The following ETS2 variants were observed in gnomAD, a reference collection of about 807,000 sequenced individuals.
The protein encoded by ETS2 is protein C-ets-2.
ETS2 carries 19 observed loss-of-function variants against 54.9 expected under a neutral mutation model. That is an observed-to-expected ratio of 0.35 (90% confidence interval 0.24 to 0.51). The LOEUF (loss-of-function observed/expected upper bound fraction) is 0.51, where lower values mean the gene tolerates loss of function less well. ETS2 is among the 20% of genes least tolerant of loss of function. The probability of loss-of-function intolerance (pLI) is 0.97; values close to 1 mark genes in which losing one functional copy is unlikely to be tolerated. For synonymous variants in ETS2, 219 were observed against 229.3 expected (o/e 0.95, Z 0.41); for missense variants, 417 against 593.0 (o/e 0.70, Z 3.08).
Position 38,806,236 on chromosome 21 carries a change from C to A in ETS2, c.-1+116C>A. 1 of 983,534 alleles carries A rather than the reference C, an allele frequency of 1.0e-6. No individual in the cohort carries two copies. The highest frequency in any genetic ancestry group is 1.2e-6 in the Non-Finnish European group (1 of 827,104). The allele number at this position is 983,534 out of a possible 1,614,324, so 60.9% of individuals were successfully genotyped here. On this transcript the variant is annotated intron_variant, in intron 1 of 9. Transcript: ENST00000360938. This position sits in a 1 kb window ranked among gnomAD's most constrained non-coding sequence, Gnocchi z 4.3. ...TGACACGCAGATCTCGGGGCGCTGC[C>A]GGGGGTGCAGGTGGGGGTGGCGGCT...
In ETS2 at chr21:38,810,039, A is replaced by C; in HGVS notation, c.5A>C (p.Asn2Thr). 1 of 1,570,602 alleles carries C rather than the reference A, an allele frequency of 6.4e-7. No individual in the cohort carries two copies. The highest frequency in any genetic ancestry group is 1.2e-5 in the South Asian group (1 of 82,766). MNDFGIKNMDQV... is the reference protein window; with the variant it reads MTDFGIKNMDQV... ...TTTTTTTTTTTCTTTTTTAAGATGAATGATTTCGGAATCAAGAATATGGAC... is the reference window on the plus strand; with the variant it reads ...TTTTTTTTTTTCTTTTTTAAGATGACTGATTTCGGAATCAAGAATATGGAC... Residue 2 changes from asparagine (N) to threonine (T), a missense_variant, in exon 2 of 10, where the codon AAT becomes ACT. By Grantham distance (65) the Asn-to-Thr change is moderately conservative. Transcript: ENST00000360938.
In ETS2 at chr21:38,822,814, C is replaced by A. The variant is rs1185768997; in HGVS notation, c.1335C>A (p.Asp445Glu). The A allele has an allele frequency of 6.2e-7, 1 of 1,613,440 alleles. No homozygotes were observed. Among genetic ancestry groups the A allele is most frequent in the Admixed American group, 1.7e-5 (1 of 59,958 alleles). Residue 445 changes from aspartate (D) to glutamate (E), a missense_variant, in exon 10 of 10, where the codon GAC becomes GAA. Around this residue, in one of 3 missense-constraint regions of ETS2, gnomAD observed 31 missense variants for 32.8 expected, o/e 0.95. Coordinates refer to ENST00000360938, the MANE Select transcript of ETS2 (RefSeq NM_005239.6). ...GKRYVYRFVC[D>E]LQNLLGFTPE... is the part of the protein sequence containing the mutation. ...GCTACGTGTACCGCTTCGTGTGCGA[C>A]CTCCAGAACTTGCTGGGGTTCACGC...
Position 38,813,081 on chromosome 21 carries a change from G to A in ETS2, c.151G>A (p.Glu51Lys). ...PSLNEEQTLQ[E>K]VPTGLDSISH... The stretch of plus-strand genomic sequence containing the variant: ...TCTAAATGAAGAGCAAACACTGCAA[G>A]AAGTGCCAACAGGCTTGGATTCCAT... Residue 51 changes from glutamate to lysine, a missense_variant, in exon 3 of 10, where the codon GAA becomes AAA. By Grantham distance (56) the Glu-to-Lys change is moderately conservative. This residue lies in a region of ETS2 where 326 missense variants were observed against 426.1 expected (regional missense o/e 0.76). Transcript: ENST00000360938. 6.2e-7 allele frequency: 1 copy of A among 1,613,600 alleles called. No individual in the cohort carries two copies. The highest frequency in any genetic ancestry group is 8.5e-7 in the Non-Finnish European group (1 of 1,179,510).
At position 38,814,425 on chromosome 21, in the gene ETS2, G is replaced by A; in HGVS notation, c.304+33G>A. 1 of 1,610,950 alleles carries A rather than the reference G, an allele frequency of 6.2e-7. No homozygotes were observed. Among genetic ancestry groups the A allele is most frequent in the Non-Finnish European group, 8.5e-7 (1 of 1,178,728 alleles). ...CTGCTTTCCTGAGCCTGCACTGGGT[G>A]AGAAGAACCAACTTCAGTGCAGTTG... On this transcript the variant is annotated intron_variant, in intron 4 of 9. Coordinates refer to ENST00000360938, the MANE Select transcript of ETS2 (RefSeq NM_005239.6). This position sits in a 1 kb window ranked among gnomAD's most constrained non-coding sequence, Gnocchi z 4.2.
In ETS2 at chr21:38,806,554, C is replaced by G. The variant is rs2060894015; in HGVS notation, c.-1+434C>G. ...GGAGAGCGTGTCCGAGGTGGCCTGG[C>G]GCCCCGGCTTTGAGGGTGACTTCCT... is the stretch of plus-strand genomic sequence containing the variant. On this transcript the variant is annotated intron_variant, in intron 1 of 9. Coordinates refer to ENST00000360938, the MANE Select transcript of ETS2 (RefSeq NM_005239.6). The surrounding 1 kb of genome is among the most constrained non-coding windows in gnomAD (Gnocchi z 4.3). The G allele has an allele frequency of 1.0e-6, 1 of 985,478 alleles. No individual in the cohort carries two copies. The highest frequency in any genetic ancestry group is 6.1e-5 in the Admixed American group (1 of 16,288). 61.0% of individuals were successfully genotyped at this position (985,478 alleles called of 1,614,324 possible).
At chr21:38,817,204 G>C in intron 6 of ETS2, 113 bp downstream of exon 6, 1 of 667,962 alleles carries the variant, frequency 1.5e-6, no homozygotes, top group South Asian at 1.9e-5. Flanking sequence ...TGTCTCTTAT[G>C]GTGGCCACAC....
Position 38,806,084 on chromosome 21 carries a change from G to A in ETS2, c.-37G>A, listed in dbSNP as rs1365602486. The A allele has an allele frequency of 1.8e-6, 2 of 1,100,924 alleles. No individual in the cohort carries two copies. The highest frequency in any genetic ancestry group is 1.7e-5 in the African/African-American group (1 of 57,482). 68.2% of individuals were successfully genotyped at this position (1,100,924 alleles called of 1,614,324 possible). On this transcript the variant is annotated 5_prime_UTR_variant, in exon 1 of 10. Coordinates refer to ENST00000360938, the MANE Select transcript of ETS2 (RefSeq NM_005239.6). The surrounding 1 kb of genome is among the most constrained non-coding windows in gnomAD (Gnocchi z 4.3). ...CAGCCGCGGGCGCCGAGCAGCCACC[G>A]TCCCGACCAAGCGCCGGCCCTGCCC...
intron 5 of ETS2, among the ~76,000 whole-genome samples, chr21:38,816,292 G>A (rs1240389100): frequency 6.6e-6 from 1 of 151,560 alleles, no homozygotes; most frequent in Non-Finnish European, 1.5e-5. Context: ...TTTTAGTTAC[G>A]GCGTCTGAGG....
rs139241184 is a variant in ETS2 at position 38,814,307 on chromosome 21, G to T, written c.219G>T (p.Pro73=). 1 of 1,614,036 alleles carries T rather than the reference G, an allele frequency of 6.2e-7. No homozygotes were observed. Among genetic ancestry groups the T allele is most frequent in the East Asian group, 2.2e-5 (1 of 44,882 alleles). The change falls in exon 4 of 10, where the codon CCG becomes CCT. Residue 73 remains proline, a synonymous_variant. Transcript: ENST00000360938. The surrounding 1 kb of genome is among the most constrained non-coding windows in gnomAD (Gnocchi z 4.2). ...ACTGTGAATTGCCTTTGTTAACCCCGTGCAGCAAGGCTGTGATGAGTCAAG... is the reference window on the plus strand; with the variant it reads ...ACTGTGAATTGCCTTTGTTAACCCCTTGCAGCAAGGCTGTGATGAGTCAAG... ...SANCELPLLT[P]CSKAVMSQAL...
chr21:38,811,383 T>C (rs955220713), intron 2 of ETS2, among the ~76,000 whole-genome samples: 1 of 152,226 alleles, frequency 6.6e-6, no homozygotes, highest in African/African-American at 2.4e-5. Context: ...TTGGTCATCA[T>C]TGACTTGGAT....
At position 38,821,911 on chromosome 21, in the gene ETS2, A is replaced by G. The variant is rs2060959699; in HGVS notation, c.1194+207A>G. Among the ~76,000 whole-genome samples the G allele has an allele frequency of 6.6e-6, 1 of 152,202 alleles. No individual in the cohort carries two copies. Among genetic ancestry groups the G allele is most frequent in the Non-Finnish European group, 1.5e-5 (1 of 68,034 alleles). ...ACAGTGTTTTCTGGGTATGCTTCATACAAGGGCGTTGCACAGATTTCACTG... is the reference window on the plus strand; with the variant it reads ...ACAGTGTTTTCTGGGTATGCTTCATGCAAGGGCGTTGCACAGATTTCACTG... On this transcript the variant is annotated intron_variant, in intron 9 of 9. Coordinates refer to ENST00000360938, the MANE Select transcript of ETS2 (RefSeq NM_005239.6). The surrounding 1 kb of genome is among the most constrained non-coding windows in gnomAD (Gnocchi z 4.2).
At position 38,821,783 on chromosome 21, in the gene ETS2, C is replaced by CAAAAAAA; in HGVS notation, c.1194+80_1194+81insAAAAAAA. ...GCATTCAAAAACTCAGTTCTTTGGG[C>CAAAAAAA]ACAAAAAAGGGTTCACCAGTACTGC... On this transcript the variant is annotated intron_variant, in intron 9 of 9. Coordinates refer to ENST00000360938, the MANE Select transcript of ETS2 (RefSeq NM_005239.6). The surrounding 1 kb of genome is among the most constrained non-coding windows in gnomAD (Gnocchi z 4.2). The CAAAAAAA allele has an allele frequency of 3.9e-6, 4 of 1,014,166 alleles. No individual in the cohort carries two copies. The highest frequency in any genetic ancestry group is 3.8e-5 in the Admixed American group (2 of 53,076). 62.8% of individuals were successfully genotyped at this position (1,014,166 alleles called of 1,614,324 possible).
Position 38,822,711 on chromosome 21 carries a change from A to G in ETS2, c.1232A>G (p.Lys411Arg). The change falls in exon 10 of 10, where the codon AAG becomes AGG. Residue 411 changes from lysine (K) to arginine (R), a missense_variant. Physicochemically the swap from Lys to Arg is conservative, Grantham distance 26. Transcript: ENST00000360938. ...RRWGKRKNKP[K>R]MNYEKLSRGL... ...TGGGGAAAGAGGAAAAATAAGCCCA[A>G]GATGAACTACGAGAAGCTGAGCCGG... 1.9e-6 allele frequency: 3 copies of G among 1,614,142 alleles called. No homozygotes were observed. The highest frequency in any genetic ancestry group is 2.5e-6 in the Non-Finnish European group (3 of 1,180,012).
rs750769061 is a variant in ETS2, at chr21:38,814,262, T to C, written c.185-11T>C. The C allele has an allele frequency of 5.0e-6, 8 of 1,612,976 alleles. No homozygotes were observed. Among genetic ancestry groups the C allele is most frequent in the Non-Finnish European group, 6.8e-6 (8 of 1,179,590 alleles). On this transcript the variant is annotated splice_polypyrimidine_tract_variant and intron_variant, in intron 3 of 9. Coordinates refer to ENST00000360938, the MANE Select transcript of ETS2 (RefSeq NM_005239.6). This position sits in a 1 kb window ranked among gnomAD's most constrained non-coding sequence, Gnocchi z 4.2. ...GAAGTCCTAATGTCCCCATGGGGGG[T>C]TTCCTTCCAGACTCCGCCAACTGTG... is the stretch of plus-strand genomic sequence containing the variant.
rs41276544 is a variant in ETS2 at position 38,823,442 on chromosome 21, T to C, written c.*553T>C. 8 of 152,740 alleles carry C rather than the reference T, an allele frequency of 5.2e-5. No individual in the cohort carries two copies. Among genetic ancestry groups the C allele is most frequent in the Admixed American group, 3.9e-4 (6 of 15,308 alleles). 9.5% of individuals were successfully genotyped at this position (152,740 alleles called of 1,614,324 possible). A position where few individuals can be genotyped will look rare whatever the true frequency, so the allele number is the denominator to read the frequency against. ...ATTTAAAATAATTATATAACTGTATTTGAAATAAGAATTCAGACATCTGAG... is the reference window on the plus strand; with the variant it reads ...ATTTAAAATAATTATATAACTGTATCTGAAATAAGAATTCAGACATCTGAG... On this transcript the variant is annotated 3_prime_UTR_variant, in exon 10 of 10. Coordinates refer to ENST00000360938, the MANE Select transcript of ETS2 (RefSeq NM_005239.6).
intron 1 of ETS2, among the ~76,000 whole-genome samples, chr21:38,808,261 T>A (rs2060900899): frequency 6.6e-6 from 1 of 152,116 alleles, no homozygotes; most frequent in Admixed American, 6.5e-5. Flanking sequence ...AAGATTCAAT[T>A]AGGTAGGAGT....
chr21:38,819,106 C>T (rs1009858885), intron 7 of ETS2, among the ~76,000 whole-genome samples: 6 of 152,306 alleles, frequency 3.9e-5, no homozygotes, highest in South Asian at 2.1e-4. Flanking sequence ...CAGAAGGGAA[C>T]GATTCTGACT....
intron 2 of ETS2, among the ~76,000 whole-genome samples, chr21:38,811,234 C>T (rs2060912684): frequency 6.6e-6 from 1 of 151,802 alleles, no homozygotes; most frequent in South Asian, 2.1e-4. Flanking sequence ...TTCTTAGTCA[C>T]CTGGGCAATG....
chr21:38,807,025 T>A (rs936302957), intron 1 of ETS2, among the ~76,000 whole-genome samples: 2 of 152,176 alleles, frequency 1.3e-5, no homozygotes, highest in Non-Finnish European at 2.9e-5. Flanking sequence ...TTATATTTGT[T>A]CCATACAATG....
Sources: gnomAD v4.1 joint callset for allele counts (sites outside exome capture counted in the v4.1 genomes callset) on GRCh38, gnomAD v4.1.1 for gene constraint, gnomAD v4.1.1 regional missense constraint, Gnocchi (gnomAD v3.1) non-coding constraint, MANE v1.5 for transcripts, NCBI Gene and HGNC (gene_info 2026-07-23, HGNC 2026-07-21) for gene names.